TRIM5: variants seen among roughly 807,000 people sequenced by gnomAD.
TRIM5 encodes the protein tripartite motif-containing protein 5.
In TRIM5, 31 loss-of-function variants were observed where a neutral mutation model predicts 35.6. The ratio of observed to expected loss-of-function variants is 0.87; its 90% CI spans 0.65 to 1.18. TRIM5 has a LOEUF of 1.18. Ranked by LOEUF, TRIM5 falls within the 50% of genes most tolerant of loss-of-function variation. TRIM5 has a pLI of 0.00. For missense variants in TRIM5, 609 were observed against 591.6 expected, an observed-to-expected ratio of 1.03 and a Z score of -0.31; for synonymous variants, 243 against 215.6, an observed-to-expected ratio of 1.13 and a Z score of -1.11.
chr11:5,683,292 G>A (rs73402262), intron 1 of TRIM5, among the ~76,000 whole-genome samples: 3,502 of 152,312 alleles, frequency 0.023, 131 homozygotes, highest in African/African-American at 0.079. Context: ...GTGCAGGTGC[G>A]TGGCATGGCA....
downstream of TRIM5, among the ~76,000 whole-genome samples, chr11:5,659,905 T>G (rs981563360): frequency 3.3e-5 from 5 of 152,214 alleles, no homozygotes; most frequent in African/African-American, 1.2e-4. Flanking sequence ...TTATACAATT[T>G]GGTATTTATT....
downstream of TRIM5, among the ~76,000 whole-genome samples, chr11:5,660,622 C>T (rs755157567): frequency 2.0e-4 from 30 of 152,184 alleles, no homozygotes; most frequent in African/African-American, 7.2e-4. Flanking sequence ...ATTGATTTTA[C>T]GCTTTCTTTC....
chr11:5,632,264 G>A, the TRIM5 span: 1 of 1,605,454 alleles, frequency 6.2e-7, no homozygotes, highest in Non-Finnish European at 8.5e-7. Flanking sequence ...GCCATCCAGG[G>A]GTCTTTAACC....
intron 5 of TRIM5, among the ~76,000 whole-genome samples, chr11:5,667,421 C>T (rs1283357063): frequency 6.6e-6 from 1 of 152,106 alleles, no homozygotes; most frequent in East Asian, 1.9e-4. Context: ...GTTGGCCAGG[C>T]TAGTCTCAAA....
At chr11:5,599,218 G>T in the TRIM5 span, among the ~76,000 whole-genome samples, 1 of 152,108 alleles carries the variant, frequency 6.6e-6, no homozygotes, top group Non-Finnish European at 1.5e-5. Context: ...ATTCTTTTCA[G>T]TTTGGGACTA....
the TRIM5 span, among the ~76,000 whole-genome samples, chr11:5,602,314 G>T: frequency 3.3e-5 from 5 of 151,964 alleles, no homozygotes; most frequent in Non-Finnish European, 5.9e-5. Flanking sequence ...ATAGTGGCAG[G>T]CACCTGTAAT....
At chr11:5,622,444 C>CAA in the TRIM5 span, among the ~76,000 whole-genome samples, 925 of 116,394 alleles carry the variant, frequency 7.9e-3, 11 homozygotes, top group African/African-American at 0.026. Context: ...GACTACCTCT[C>CAA]AAAAAAAAAA....
chr11:5,675,750 T>C (rs1851920225), intron 4 of TRIM5, among the ~76,000 whole-genome samples: 1 of 149,370 alleles, frequency 6.7e-6, no homozygotes, highest in Non-Finnish European at 1.5e-5. Context: ...GTGCACATTG[T>C]GCAGGTTAGT....
chr11:5,676,310 C>T lies in TRIM5; in HGVS notation c.744+1894G>A, dbSNP rs530863824. 4.0e-3 allele frequency among the ~76,000 whole-genome samples: 605 copies of T among 152,126 alleles called. 4 individuals are homozygous for T. The highest frequency in any genetic ancestry group is 0.014 in the African/African-American group (586 of 41,500). On this transcript the variant is annotated intron_variant, in intron 4 of 7. Transcript: ENST00000380034. ...AATCACAAGCATTCTTATACACCAA[C>T]AACAGACAAACAGAGAGCCAAATCA... is the stretch of plus-strand genomic sequence containing the variant.
At chr11:5,658,984 A>G (rs907770977), downstream of TRIM5, among the ~76,000 whole-genome samples, 2 of 152,106 alleles carry the variant, frequency 1.3e-5, no homozygotes, top group Admixed American at 1.3e-4. Flanking sequence ...GGGGAACATC[A>G]CACACTGAGG....
chr11:5,674,096 A>C (rs951175889), intron 4 of TRIM5, among the ~76,000 whole-genome samples: 1 of 152,180 alleles, frequency 6.6e-6, no homozygotes, highest in Non-Finnish European at 1.5e-5. Context: ...AGCCTTTTTA[A>C]TTTCATAAAA....
chr11:5,625,229 T>C, the TRIM5 span, among the ~76,000 whole-genome samples: 4 of 152,038 alleles, frequency 2.6e-5, no homozygotes, highest in Non-Finnish European at 5.9e-5. Flanking sequence ...CAGCCTAGAG[T>C]CTGGGGAGGG....
the TRIM5 span, among the ~76,000 whole-genome samples, chr11:5,593,253 C>T: frequency 7.8e-4 from 119 of 152,330 alleles, no homozygotes; most frequent in Admixed American, 1.3e-3. Flanking sequence ...GATTCTTAAT[C>T]TTAGCCTTGC....
At chr11:5,640,214 A>G in the TRIM5 span, among the ~76,000 whole-genome samples, 2 of 152,210 alleles carry the variant, frequency 1.3e-5, no homozygotes, top group Non-Finnish European at 2.9e-5. Flanking sequence ...GGGAAAAAGC[A>G]TTCAGTTTTT....
chr11:5,656,844 C>A, the TRIM5 span, among the ~76,000 whole-genome samples: 1 of 152,178 alleles, frequency 6.6e-6, no homozygotes, highest in South Asian at 2.1e-4. Flanking sequence ...GAAATAGGAA[C>A]ACTTTTACAC....
chr11:5,617,051 TTA>T, the TRIM5 span, among the ~76,000 whole-genome samples: 2 of 142,496 alleles, frequency 1.4e-5, no homozygotes, highest in African/African-American at 5.2e-5. Context: ...TTTTTTTTTT[TTA>T]AATAAATGCA....
chr11:5,630,632 G>A, the TRIM5 span, among the ~76,000 whole-genome samples: 3 of 152,124 alleles, frequency 2.0e-5, no homozygotes, highest in Admixed American at 2.0e-4. Flanking sequence ...TTCTCATTCT[G>A]TATTCCTTTC....
At chr11:5,603,116 T>C in the TRIM5 span, 3 of 1,443,510 alleles carry the variant, frequency 2.1e-6, no homozygotes, top group Non-Finnish European at 2.8e-6. Flanking sequence ...AAGAACGTAT[T>C]GGATATGAGA....
chr11:5,659,204 A>C (rs1850732866), downstream of TRIM5, among the ~76,000 whole-genome samples: 1 of 151,506 alleles, frequency 6.6e-6, no homozygotes. Flanking sequence ...AGCTGTAAAC[A>C]CTCACCCCTA....
Sources: allele counts gnomAD v4.1 joint callset (sites outside exome capture counted in the v4.1 genomes callset), GRCh38; gene constraint gnomAD v4.1.1; transcripts MANE v1.5; gene names NCBI Gene and HGNC (gene_info 2026-07-23, HGNC 2026-07-21).